Variants in MEIOB observed in about 807,000 individuals in gnomAD.
MEIOB encodes meiosis-specific with OB domain-containing protein.
A neutral mutation model predicts 53.1 loss-of-function variants in MEIOB; 50 were observed. The observed-to-expected ratio is 0.94, with a 90% CI of 0.75 to 1.19. The LOEUF is 1.19. MEIOB is among the 50% of genes most tolerant of loss of function. The probability of loss-of-function intolerance (pLI) is 0.00; values close to 1 mark genes in which losing one functional copy is unlikely to be tolerated. For synonymous variants in MEIOB, 192 were observed against 182.5 expected (o/e 1.05, Z -0.42); for missense variants, 551 against 550.8 (o/e 1.00, Z 0.00).
intron 9 of MEIOB, among the ~76,000 whole-genome samples, chr16:1,849,847 G>A (rs1006246226): frequency 3.9e-5 from 6 of 152,068 alleles, no homozygotes; most frequent in African/African-American, 4.8e-5. Flanking sequence ...CAGATTTTAC[G>A]TGTTCTCACC....
At chr16:1,853,857 T>C (rs1899232297) in intron 7 of MEIOB, among the ~76,000 whole-genome samples, 1 of 152,192 alleles carries the variant, frequency 6.6e-6, no homozygotes, top group African/African-American at 2.4e-5. Context: ...CACGACAGAA[T>C]TCAATAATAA....
intron 13 of MEIOB, among the ~76,000 whole-genome samples, 186 bp from the exon 14 acceptor site, chr16:1,834,552 T>C (rs1898688236): frequency 6.6e-6 from 1 of 152,260 alleles, no homozygotes; most frequent in South Asian, 2.1e-4. Context: ...ACAGTTAATT[T>C]ACAGGCCCAG....
intron 10 of MEIOB, 149 bp downstream of exon 10, chr16:1,844,713 A>G: frequency 2.0e-6 from 1 of 507,842 alleles, no homozygotes; most frequent in Non-Finnish European, 3.6e-6. Context: ...AAAAAGAAAA[A>G]GATGCCCACT....
intron 3 of MEIOB, among the ~76,000 whole-genome samples, chr16:1,862,663 G>A (rs1267591076): frequency 6.6e-6 from 1 of 152,020 alleles, no homozygotes; most frequent in African/African-American, 2.4e-5. Flanking sequence ...GCTCACGCCT[G>A]TAATCCTAAC....
intron 2 of MEIOB, among the ~76,000 whole-genome samples, chr16:1,866,281 T>C (rs1361592873): frequency 6.6e-6 from 1 of 152,074 alleles, no homozygotes; most frequent in Non-Finnish European, 1.5e-5. Context: ...TAATATAAAT[T>C]AGACTGTAAC....
At chr16:1,850,300 C>T (rs913832720) in intron 9 of MEIOB, among the ~76,000 whole-genome samples, 3 of 152,076 alleles carry the variant, frequency 2.0e-5, no homozygotes, top group South Asian at 2.1e-4. Context: ...AATAACAGGC[C>T]GGGCGTGGTG....
chr16:1,846,336 C>G (rs62038436), intron 9 of MEIOB, among the ~76,000 whole-genome samples: 26,634 of 151,908 alleles, frequency 0.18, 2,480 homozygotes, highest in South Asian at 0.26. Context: ...CTGACAATAG[C>G]GTTATCCTGA....
At chr16:1,867,186 G>A (rs1430908601) in intron 2 of MEIOB, among the ~76,000 whole-genome samples, 1 of 152,160 alleles carries the variant, frequency 6.6e-6, no homozygotes, top group Non-Finnish European at 1.5e-5. Context: ...CTCAGGGGCA[G>A]GGAAGGTAAG....
intron 1 of MEIOB, among the ~76,000 whole-genome samples, chr16:1,868,673 C>G (rs4586436): frequency 0.83 from 125,131 of 151,664 alleles, 51,742 homozygotes; most frequent in Middle Eastern, 0.89. Context: ...GGCTAACATG[C>G]TGAAACCCCG....
At chr16:1,863,071 A>C (rs1899487500) in intron 3 of MEIOB, among the ~76,000 whole-genome samples, 1 of 151,854 alleles carries the variant, frequency 6.6e-6, no homozygotes, top group Non-Finnish European at 1.5e-5. Flanking sequence ...TCTACAGAAA[A>C]TTTTAAAATT....
At chr16:1,842,217 A>T (rs1465473089) in intron 10 of MEIOB, among the ~76,000 whole-genome samples, 1 of 152,166 alleles carries the variant, frequency 6.6e-6, no homozygotes, top group Non-Finnish European at 1.5e-5. Context: ...ACACCATTAA[A>T]AAGTGAAAAG....
intron 9 of MEIOB, among the ~76,000 whole-genome samples, chr16:1,850,095 T>C (rs1444742514): frequency 6.6e-6 from 1 of 152,224 alleles, no homozygotes; most frequent in Non-Finnish European, 1.5e-5. Context: ...TTTCTTTGAA[T>C]CTGTCATCAG....
At chr16:1,839,198 G>T (rs1006950728) in intron 12 of MEIOB, 57 bp downstream of exon 12, 1 of 1,463,536 alleles carries the variant, frequency 6.8e-7, no homozygotes, top group Non-Finnish European at 9.1e-7. Context: ...ATATTTTTTT[G>T]GGAAAAAGCA....
At chr16:1,853,755 CCT>C (rs1293551005) in intron 7 of MEIOB, among the ~76,000 whole-genome samples, 1 of 152,162 alleles carries the variant, frequency 6.6e-6, no homozygotes, top group Non-Finnish European at 1.5e-5. Context: ...CCCACGTGCC[CCT>C]GTGTCCTGCC....
intron 5 of MEIOB, among the ~76,000 whole-genome samples, chr16:1,858,646 C>G (rs1341189063): frequency 1.3e-5 from 2 of 152,146 alleles, no homozygotes; most frequent in Admixed American, 6.5e-5. Context: ...TTGTGGCTAC[C>G]AGTCACAAAG....
chr16:1,867,184 C>T (rs567681987), intron 2 of MEIOB, among the ~76,000 whole-genome samples: 26 of 152,142 alleles, frequency 1.7e-4, no homozygotes, highest in African/African-American at 6.0e-4. Flanking sequence ...TGCTCAGGGG[C>T]AGGGAAGGTA....
At chr16:1,861,893 G>C (rs1899453035) in intron 4 of MEIOB, 92 bp downstream of exon 4, 4 of 1,258,646 alleles carry the variant, frequency 3.2e-6, no homozygotes, top group Non-Finnish European at 1.1e-6. Context: ...TACGAACTGT[G>C]TCTCATTTCA....
chr16:1,871,418 A>C, intron 1 of MEIOB, among the ~76,000 whole-genome samples: 1 of 108,168 alleles, frequency 9.2e-6, no homozygotes, highest in East Asian at 2.6e-4. Flanking sequence ...ACGGGGTTTC[A>C]CCGTGTTAGC....
intron 6 of MEIOB, among the ~76,000 whole-genome samples, 187 bp from the exon 7 acceptor site, chr16:1,854,387 T>G (rs1420148095): frequency 1.3e-5 from 2 of 152,222 alleles, no homozygotes; most frequent in Admixed American, 6.5e-5. Context: ...GTAGCTGAAG[T>G]TGTAAGTCAC....
Sources: allele counts gnomAD v4.1 joint callset (sites outside exome capture counted in the v4.1 genomes callset), GRCh38; gene constraint gnomAD v4.1.1; transcripts MANE v1.5; gene names NCBI Gene and HGNC (gene_info 2026-07-23, HGNC 2026-07-21).